DLG2: variants seen among roughly 807,000 people sequenced by gnomAD.
DLG2 encodes the protein discs large MAGUK scaffold protein 2.
DLG2 carries 45 observed loss-of-function variants against 132.5 expected under a neutral mutation model. That is an observed-to-expected ratio of 0.34 (90% CI 0.27 to 0.44). DLG2 has a LOEUF of 0.44. DLG2 is among the 20% of genes least tolerant of loss of function. The pLI, the probability that DLG2 is intolerant of heterozygous loss-of-function variation, is 1.00. For missense variants in DLG2, 1,045 were observed against 1,196.9 expected (o/e 0.87, Z 1.87); for synonymous variants, 424 against 419.6 (o/e 1.01, Z -0.13).
rs923071552 is a variant in DLG2, at chr11:84,518,211, A to G, written c.519+16359T>C. ...TTTAAGGAAAGGTTTCAGAACCTAC[A>G]AAGAGTTTAATAGGCTACTACAGAT... On this transcript the variant is annotated intron_variant, in intron 7 of 27. Transcript: ENST00000376104. 7.6e-5 allele frequency among the ~76,000 whole-genome samples: 7 copies of G among 92,676 alleles called. 1 individual carries two copies. The highest frequency in any genetic ancestry group is 3.1e-4 in the African/African-American group (7 of 22,902). 60.8% of individuals were successfully genotyped at this position (92,676 alleles called of 152,430 possible).
chr11:84,923,672 G>T, intron 6 of DLG2: 1 of 771,002 alleles, frequency 1.3e-6, no homozygotes, highest in Non-Finnish European at 1.6e-6. Flanking sequence ...CACCCTGTTT[G>T]GCAAATACTA....
At chr11:84,622,677 T>C (rs1042831829) in intron 6 of DLG2, among the ~76,000 whole-genome samples, 1 of 152,070 alleles carries the variant, frequency 6.6e-6, no homozygotes, top group African/African-American at 2.4e-5. Context: ...TCTATGTGGG[T>C]TGGAACTAAT....
intron 6 of DLG2, among the ~76,000 whole-genome samples, chr11:84,971,199 G>GA (rs1468857784): frequency 2.0e-5 from 3 of 152,148 alleles, no homozygotes; most frequent in Non-Finnish European, 2.9e-5. Context: ...TAAACATAGC[G>GA]AAAAAATGTG....
intron 7 of DLG2, among the ~76,000 whole-genome samples, chr11:84,387,640 A>T (rs2098776187): frequency 6.6e-6 from 1 of 152,144 alleles, no homozygotes; most frequent in South Asian, 2.1e-4. Context: ...ACAGTACCCA[A>T]ATGCCACAAA....
At chr11:84,179,038 G>A (rs1486300495) in intron 8 of DLG2, among the ~76,000 whole-genome samples, 2 of 151,814 alleles carry the variant, frequency 1.3e-5, no homozygotes, top group African/African-American at 4.8e-5. Context: ...CCAGATGTTG[G>A]AATTAGCTAA....
chr11:84,637,306 T>C (rs1341412994), intron 6 of DLG2, among the ~76,000 whole-genome samples: 1 of 152,222 alleles, frequency 6.6e-6, no homozygotes, highest in Non-Finnish European at 1.5e-5. Context: ...ATCACTCTTT[T>C]CTGTGAACCC....
At chr11:85,360,349 A>G (rs1472571678) in intron 3 of DLG2, among the ~76,000 whole-genome samples, 1 of 152,054 alleles carries the variant, frequency 6.6e-6, no homozygotes, top group Admixed American at 6.6e-5. Context: ...GTAGGAGGAG[A>G]ATAATATTAG....
chr11:84,452,031 C>A (rs2099052963), intron 7 of DLG2, among the ~76,000 whole-genome samples: 1 of 150,944 alleles, frequency 6.6e-6, no homozygotes, highest in African/African-American at 2.4e-5. Context: ...GAGGTATATT[C>A]ATGTGAAATA....
chr11:85,454,725 G>T (rs1597461198), intron 3 of DLG2, among the ~76,000 whole-genome samples: 1 of 152,030 alleles, frequency 6.6e-6, no homozygotes, highest in Non-Finnish European at 1.5e-5. Context: ...TAAGAAAGGG[G>T]TCCAGTTTCA....
At chr11:83,665,514 C>T (rs1438334430) in intron 18 of DLG2, among the ~76,000 whole-genome samples, 1 of 152,220 alleles carries the variant, frequency 6.6e-6, no homozygotes, top group Non-Finnish European at 1.5e-5. Flanking sequence ...CTTATGTACT[C>T]TCCCTCTGCA....
At chr11:84,055,106 G>C (rs115386199) in intron 11 of DLG2, among the ~76,000 whole-genome samples, 2,698 of 152,002 alleles carry the variant, frequency 0.018, 75 homozygotes, top group African/African-American at 0.06. Context: ...CTCCAGTTCT[G>C]CTTCCTTGAG....
intron 7 of DLG2, among the ~76,000 whole-genome samples, chr11:84,299,170 C>G (rs553576975): frequency 4.6e-5 from 7 of 152,246 alleles, no homozygotes; most frequent in African/African-American, 1.7e-4. Context: ...ACATAGACCA[C>G]TCATTAACAT....
intron 6 of DLG2, among the ~76,000 whole-genome samples, chr11:84,948,456 C>T (rs1335509358): frequency 6.6e-6 from 1 of 152,202 alleles, no homozygotes; most frequent in Non-Finnish European, 1.5e-5. Flanking sequence ...AAGGGCAGGA[C>T]TGGAATGAGT....
At chr11:84,925,373 T>C (rs1441575128) in intron 6 of DLG2, among the ~76,000 whole-genome samples, 4 of 152,162 alleles carry the variant, frequency 2.6e-5, no homozygotes, top group African/African-American at 9.7e-5. Flanking sequence ...TTAATGTGTA[T>C]ACATTTTTTT....
chr11:83,588,531 C>T (rs373452147), intron 19 of DLG2, among the ~76,000 whole-genome samples: 5 of 152,068 alleles, frequency 3.3e-5, no homozygotes, highest in Admixed American at 6.5e-5. Flanking sequence ...AAAACCACAA[C>T]GATGGGGAAA....
At chr11:85,052,098 AT>A (rs1404295355) in intron 6 of DLG2, among the ~76,000 whole-genome samples, 1 of 152,190 alleles carries the variant, frequency 6.6e-6, no homozygotes, top group Non-Finnish European at 1.5e-5. Context: ...GACTGAGCAT[AT>A]TTGCTCCAAG....
intron 6 of DLG2, among the ~76,000 whole-genome samples, chr11:84,963,350 A>G (rs1591911870): frequency 6.6e-6 from 1 of 152,254 alleles, no homozygotes; most frequent in South Asian, 2.1e-4. Context: ...AACAAAGACA[A>G]ACATGAAGCA....
chr11:83,869,458 A>G (rs2063020296), intron 16 of DLG2, among the ~76,000 whole-genome samples: 1 of 152,130 alleles, frequency 6.6e-6, no homozygotes, highest in Admixed American at 6.5e-5. Flanking sequence ...CAATGGAGCC[A>G]TGGTTTCATG....
intron 18 of DLG2, among the ~76,000 whole-genome samples, chr11:83,730,538 T>TC (rs965719591): frequency 6.6e-6 from 1 of 151,968 alleles, no homozygotes; most frequent in African/African-American, 2.4e-5. Flanking sequence ...AAAGGTATTC[T>TC]CCCCCCATCC....
Sources: allele counts gnomAD v4.1 joint callset (sites outside exome capture counted in the v4.1 genomes callset), GRCh38; gene constraint gnomAD v4.1.1; transcripts MANE v1.5; gene names NCBI Gene and HGNC (gene_info 2026-07-23, HGNC 2026-07-21).